The following ZDHHC18 variants were observed in gnomAD, a reference collection of about 807,000 sequenced individuals.
ZDHHC18 encodes zDHHC palmitoyltransferase 18.
In ZDHHC18, 23 loss-of-function variants were observed where a neutral mutation model predicts 37.5. The observed-to-expected ratio is 0.61, with a 90% confidence interval of 0.44 to 0.87. The LOEUF (loss-of-function observed/expected upper bound fraction) is 0.87, where lower values mean the gene tolerates loss of function less well. Ranked by LOEUF, ZDHHC18 falls within the 40% of genes least tolerant of loss-of-function variation. The pLI is 0.00. For missense variants in ZDHHC18, 406 were observed against 525.6 expected, an observed-to-expected ratio of 0.77 and a Z score of 2.22; for synonymous variants, 185 against 218.7, an observed-to-expected ratio of 0.85 and a Z score of 1.36.
In ZDHHC18 at chr1:26,856,332, T is replaced by C. The variant is rs1230359900; in HGVS notation, c.*2489T>C. The C allele has an allele frequency of 7.6e-6, 3 of 396,202 alleles. No homozygotes were observed. Among genetic ancestry groups the C allele is most frequent in the African/African-American group, 4.1e-5 (2 of 49,316 alleles). The allele number at this position is 396,202 out of a possible 1,614,324, so 24.5% of individuals were successfully genotyped here. On this transcript the variant is annotated 3_prime_UTR_variant, in exon 8 of 8. Transcript: ENST00000374142. This position sits in a 1 kb window ranked among gnomAD's most constrained non-coding sequence, Gnocchi z 5.2. The stretch of plus-strand genomic sequence containing the variant: ...CACACACCATCTCATCCTCATCGCA[T>C]GCCTCGCCAACCCCATGGAGCCCGT...
rs760653086 is a variant in ZDHHC18, at chr1:26,848,754, G to A, written c.643G>A (p.Val215Met). 3 of 1,609,568 alleles carry A rather than the reference G, an allele frequency of 1.9e-6. No individual in the cohort carries two copies. The highest frequency in any genetic ancestry group is 2.2e-5 in the South Asian group (2 of 91,040). Residue 215 changes from valine to methionine, a missense_variant, in exon 3 of 8, where the codon GTG (valine) becomes ATG (methionine). Coordinates refer to ENST00000374142, the MANE Select transcript of ZDHHC18 (RefSeq NM_032283.3). ...TSHCSVCDNCVERFDHHCPWV... is the reference protein window; with the variant it reads ...TSHCSVCDNCMERFDHHCPWV... ...ACACTGCAGTGTCTGCGACAACTGT[G>A]TGGGTGAGTAGGAGGCAGCAGGGAG...
At chr1:26,833,960 C>T (rs1304567035) in intron 2 of ZDHHC18, among the ~76,000 whole-genome samples, 1 of 152,168 alleles carries the variant, frequency 6.6e-6, no homozygotes, top group East Asian at 1.9e-4. Flanking sequence ...TGCCCAGCCC[C>T]ATCCTCAGCC....
In ZDHHC18 at chr1:26,850,273, T is replaced by C; in HGVS notation, c.647-28T>C. On this transcript the variant is annotated intron_variant, in intron 3 of 7. Coordinates refer to ENST00000374142, the MANE Select transcript of ZDHHC18 (RefSeq NM_032283.3). The surrounding 1 kb of genome is among the most constrained non-coding windows in gnomAD (Gnocchi z 6.1). ...GTGCTGGCTGCAGGCCAGCCCACAC[T>C]AACCCATCGCCCCTTGCCCTTGTCC... 6.2e-7 allele frequency: 1 copy of C among 1,611,552 alleles called. No individual in the cohort carries two copies.
At chr1:26,848,545 G>T in intron 2 of ZDHHC18, 63 bp from the exon 3 acceptor site, 1 of 1,575,286 alleles carries the variant, frequency 6.3e-7, no homozygotes, top group Admixed American at 1.7e-5. Context: ...GCTTTCCCCT[G>T]CTGGGGATCC....
rs2081713313 is a variant in ZDHHC18 at position 26,852,863 on chromosome 1, C to A, written c.1047C>A (p.Pro349=). Residue 349 remains proline (P), a splice_region_variant and synonymous_variant, in exon 7 of 8, where the codon CCC becomes CCA. Transcript: ENST00000374142. ...CTGTGCTCTGTGGCCCCCTACCTCC[C>A]AGGTAAGTGAGCGGGGTGCGGAAGA... ...CCAVLCGPLP[P]SLIDRRGFVQ... The A allele has an allele frequency of 6.2e-7, 1 of 1,613,652 alleles. No homozygotes were observed. The highest frequency in any genetic ancestry group is 8.5e-7 in the Non-Finnish European group (1 of 1,179,770).
intron 1 of ZDHHC18, among the ~76,000 whole-genome samples, chr1:26,831,473 C>G (rs1041972020): frequency 2.0e-5 from 3 of 152,142 alleles, no homozygotes; most frequent in African/African-American, 7.2e-5. Flanking sequence ...ATGACATGAT[C>G]TGATTGACAT....
At chr1:26,840,992 G>A (rs767152022) in intron 2 of ZDHHC18, among the ~76,000 whole-genome samples, 2 of 149,974 alleles carry the variant, frequency 1.3e-5, no homozygotes, top group East Asian at 2.0e-4. Flanking sequence ...TGGGGGGAGG[G>A]GGGGACAGAG....
chr1:26,832,221 G>A, intron 1 of ZDHHC18: 1 of 566,984 alleles, frequency 1.8e-6, no homozygotes, highest in African/African-American at 1.9e-5. Flanking sequence ...TCTGCCATGT[G>A]CTCTGGAGGA....
rs1353090921 is a variant in ZDHHC18, at chr1:26,851,177, CCTCTCAGGG to C, written c.883_891del (p.Leu295_Gly297del). On this transcript the variant is annotated inframe_deletion, in exon 6 of 8. Transcript: ENST00000374142. ...TCTTCTCCATCTGGTCCATTCTGGG[CCTCTCAGGG>C]TTTCACACGTACCTCGTCGCCTCCA... The C allele has an allele frequency of 1.2e-6, 2 of 1,614,102 alleles. No individual in the cohort carries two copies. Among genetic ancestry groups the C allele is most frequent in the Admixed American group, 3.3e-5 (2 of 59,998 alleles).
At chr1:26,853,423 A>C (rs1482715060) in intron 7 of ZDHHC18, among the ~76,000 whole-genome samples, 1 of 152,238 alleles carries the variant, frequency 6.6e-6, no homozygotes, top group African/African-American at 2.4e-5. Context: ...CATAGTCATC[A>C]AATACCTATT....
At position 26,855,803 on chromosome 1, in the gene ZDHHC18, G is replaced by A. The variant is rs1251864819; in HGVS notation, c.*1960G>A. 1 of 155,708 alleles carries A rather than the reference G, an allele frequency of 6.4e-6. No individual in the cohort carries two copies. Among genetic ancestry groups the A allele is most frequent in the South Asian group, 1.9e-4 (1 of 5,266 alleles). 9.6% of individuals were successfully genotyped at this position (155,708 alleles called of 1,614,324 possible). The stretch of plus-strand genomic sequence containing the variant: ...CCCTCTGTTCTTTCAGACAAATTTG[G>A]TTCTTTCCTGGGGAGACTGTGAGAA... On this transcript the variant is annotated 3_prime_UTR_variant, in exon 8 of 8. Transcript: ENST00000374142.
rs368041681 is a variant in ZDHHC18, at chr1:26,850,495, G to A, written c.784+57G>A. 1.9e-5 allele frequency: 30 copies of A among 1,614,122 alleles called. No individual in the cohort carries two copies. The highest frequency in any genetic ancestry group is 2.4e-5 in the Non-Finnish European group (28 of 1,180,040). On this transcript the variant is annotated intron_variant, in intron 4 of 7. Transcript: ENST00000374142. The surrounding 1 kb of genome is among the most constrained non-coding windows in gnomAD (Gnocchi z 6.1). ...AAGGGGTCAGCCAGCAAGCTCAAGG[G>A]TCAGCAAGCTTCAGCAGTCACTGTC...
chr1:26,851,248 C>G lies in ZDHHC18; in HGVS notation c.936+17C>G. On this transcript the variant is annotated intron_variant, in intron 6 of 7. Transcript: ENST00000374142. ...AATGAAGACGTGAGTAAACCTGGAG[C>G]CACCCCTCATTCTAGGGCAGCGCCC... 1 of 1,611,280 alleles carries G rather than the reference C, an allele frequency of 6.2e-7. No homozygotes were observed. The highest frequency in any genetic ancestry group is 8.5e-7 in the Non-Finnish European group (1 of 1,177,372).
At chr1:26,840,494 G>A (rs2081632284) in intron 2 of ZDHHC18, among the ~76,000 whole-genome samples, 1 of 152,120 alleles carries the variant, frequency 6.6e-6, no homozygotes. Flanking sequence ...AGGCTGGAGT[G>A]CAGTGGCGCG....
intron 2 of ZDHHC18, among the ~76,000 whole-genome samples, chr1:26,835,665 C>G (rs958769487): frequency 3.3e-5 from 5 of 152,186 alleles, no homozygotes; most frequent in African/African-American, 1.2e-4. Context: ...TGCGCCATTG[C>G]ACTCCAGCCT....
intron 3 of ZDHHC18, among the ~76,000 whole-genome samples, chr1:26,849,402 CTG>C (rs2081689848): frequency 6.6e-6 from 1 of 152,214 alleles, no homozygotes; most frequent in South Asian, 2.1e-4. Flanking sequence ...GCCACAGTGA[CTG>C]TGCATAGTTC....
chr1:26,853,001 G>A, intron 7 of ZDHHC18, 136 bp downstream of exon 7: 2 of 669,102 alleles, frequency 3.0e-6, no homozygotes, highest in South Asian at 4.1e-5. Flanking sequence ...CATTTGTCAT[G>A]TGACGGAATT....
intron 6 of ZDHHC18, 45 bp downstream of exon 6, chr1:26,851,276 A>T: frequency 1.3e-6 from 2 of 1,575,392 alleles, no homozygotes; most frequent in South Asian, 2.2e-5. Flanking sequence ...CAGCGCCCTC[A>T]GGAGGAGGCA....
intron 2 of ZDHHC18, among the ~76,000 whole-genome samples, chr1:26,841,432 C>T (rs1236465540): frequency 6.6e-6 from 1 of 152,190 alleles, no homozygotes; most frequent in Non-Finnish European, 1.5e-5. Flanking sequence ...CTATGCTTGG[C>T]CTTCCATTTT....
Sources: allele counts gnomAD v4.1 joint callset (sites outside exome capture counted in the v4.1 genomes callset), GRCh38; gene constraint gnomAD v4.1.1; non-coding constraint Gnocchi (gnomAD v3.1); transcripts MANE v1.5; gene names NCBI Gene and HGNC (gene_info 2026-07-23, HGNC 2026-07-21).